HAPLN2: variants seen among roughly 807,000 people sequenced by gnomAD.
HAPLN2 encodes hyaluronan and proteoglycan link protein 2.
HAPLN2 carries 27 observed loss-of-function variants against 29.3 expected under a neutral mutation model. The observed-to-expected ratio is 0.92, with a 90% CI of 0.68 to 1.27. The LOEUF (loss-of-function observed/expected upper bound fraction) is 1.27. Ranked by LOEUF, HAPLN2 falls within the 50% of genes most tolerant of loss-of-function variation. HAPLN2 has a pLI of 0.00. For missense variants in HAPLN2, 454 were observed against 484.3 expected, an observed-to-expected ratio of 0.94 and a Z score of 0.59; for synonymous variants, 208 against 211.7, an observed-to-expected ratio of 0.98 and a Z score of 0.15.
the HAPLN2 span, among the ~76,000 whole-genome samples, chr1:156,608,668 G>A: frequency 4.6e-5 from 7 of 151,818 alleles, no homozygotes; most frequent in Admixed American, 2.0e-4. Context: ...TCAGCCTCCC[G>A]AGCAGCTGGG....
the HAPLN2 span, among the ~76,000 whole-genome samples, chr1:156,604,447 G>A: frequency 1.3e-5 from 2 of 151,966 alleles, no homozygotes; most frequent in East Asian, 1.9e-4. Flanking sequence ...GTGCCACCAC[G>A]CCCAGCTAAT....
At chr1:156,623,742 G>A (rs1678334414) in intron 3 of HAPLN2, 65 bp from the exon 4 acceptor site, 10 of 1,475,422 alleles carry the variant, frequency 6.8e-6, no homozygotes, top group Non-Finnish European at 9.0e-6. Context: ...TGGGGAGCAG[G>A]GTCTGATGGG....
chr1:156,623,159 C>T (rs1024665059), intron 2 of HAPLN2, among the ~76,000 whole-genome samples: 5 of 151,896 alleles, frequency 3.3e-5, no homozygotes, highest in East Asian at 1.9e-4. Flanking sequence ...AGGATAGAGA[C>T]GAGCTGGCAG....
In HAPLN2 at chr1:156,625,025, C is replaced by T; in HGVS notation, c.740-76C>T. The T allele has an allele frequency of 6.7e-7, 1 of 1,491,382 alleles. No individual in the cohort carries two copies. The highest frequency in any genetic ancestry group is 8.9e-7 in the Non-Finnish European group (1 of 1,120,198). 92.4% of individuals were successfully genotyped at this position (1,491,382 alleles called of 1,614,324 possible). ...CCAGCACCTCTGCGGTCCCGCACCC[C>T]AACTCCGCCTCCTGGGTGTCAGCCG... On this transcript the variant is annotated intron_variant, in intron 6 of 6. Transcript: ENST00000255039. This position sits in a 1 kb window ranked among gnomAD's most constrained non-coding sequence, Gnocchi z 5.7.
At chr1:156,604,337 G>A in the HAPLN2 span, among the ~76,000 whole-genome samples, 2 of 149,238 alleles carry the variant, frequency 1.3e-5, no homozygotes, top group East Asian at 3.9e-4. Context: ...TCTATCGCCA[G>A]GCTGGAGTGC....
At chr1:156,619,340 T>C (rs1238079684), upstream of HAPLN2, 1 of 151,248 alleles carries the variant, frequency 6.6e-6, no homozygotes, top group Non-Finnish European at 1.5e-5. Context: ...TATTCAACAA[T>C]AGGGGAAAAG....
chr1:156,607,978 C>G, the HAPLN2 span, among the ~76,000 whole-genome samples: 1 of 152,188 alleles, frequency 6.6e-6, no homozygotes, highest in South Asian at 2.1e-4. Context: ...TCACAGGATT[C>G]AATCCTTAGC....
chr1:156,624,963 T>A, intron 6 of HAPLN2, 138 bp from the exon 7 acceptor site: 1 of 1,002,582 alleles, frequency 1.0e-6, no homozygotes, highest in East Asian at 3.8e-5. Context: ...CCTGCACTTT[T>A]GCCTCGATCC....
chr1:156,617,667 T>TA (rs1553234645), upstream of HAPLN2, among the ~76,000 whole-genome samples: 1 of 150,062 alleles, frequency 6.7e-6, no homozygotes, highest in Non-Finnish European at 1.5e-5. Context: ...TTTTTTTTTT[T>TA]AACTCACAGA....
chr1:156,606,198 A>T, the HAPLN2 span, among the ~76,000 whole-genome samples: 2 of 152,090 alleles, frequency 1.3e-5, no homozygotes, highest in Non-Finnish European at 2.9e-5. Flanking sequence ...CGGGAGGCGG[A>T]GGTTGCAGTG....
At chr1:156,602,579 G>A in the HAPLN2 span, among the ~76,000 whole-genome samples, 1 of 129,608 alleles carries the variant, frequency 7.7e-6, no homozygotes, top group Non-Finnish European at 1.7e-5. Flanking sequence ...AAAAAAAGCC[G>A]GGCATGGTGG....
the HAPLN2 span, among the ~76,000 whole-genome samples, chr1:156,614,112 A>G: frequency 6.6e-6 from 1 of 152,140 alleles, no homozygotes; most frequent in Non-Finnish European, 1.5e-5. Flanking sequence ...ACAAGTTACT[A>G]GCTTACTAAC....
chr1:156,607,645 G>A, the HAPLN2 span, among the ~76,000 whole-genome samples: 1 of 152,120 alleles, frequency 6.6e-6, no homozygotes, highest in South Asian at 2.1e-4. Context: ...AATTCCTGGA[G>A]CAGAATTGAA....
At chr1:156,624,224 C>A in intron 4 of HAPLN2, 64 bp downstream of exon 4, 1 of 1,536,968 alleles carries the variant, frequency 6.5e-7, no homozygotes. Flanking sequence ...CTGGGTCTCC[C>A]AGGGCTCCTT....
the HAPLN2 span, among the ~76,000 whole-genome samples, chr1:156,605,259 C>T: frequency 6.7e-6 from 1 of 150,060 alleles, no homozygotes; most frequent in Non-Finnish European, 1.5e-5. Context: ...GGGTGAGACT[C>T]CGTCTGAAAA....
Position 156,625,162 on chromosome 1 carries a change from A to T in HAPLN2, c.801A>T (p.Arg267=). The change falls in exon 7 of 7, where the codon CGA becomes CGT. Residue 267 remains arginine (R), a synonymous_variant. Coordinates refer to ENST00000255039, the MANE Select transcript of HAPLN2 (RefSeq NM_021817.3). The surrounding 1 kb of genome is among the most constrained non-coding windows in gnomAD (Gnocchi z 5.7). ...CTGAAGCCCACGCGGCGTGCCGGCG[A>T]CGCGGCGCCGTGGTGGCCAAGGTTG... ...TLSEAHAACR[R]RGAVVAKVGH... 1 of 1,544,462 alleles carries T rather than the reference A, an allele frequency of 6.5e-7. No homozygotes were observed. The highest frequency in any genetic ancestry group is 8.7e-7 in the Non-Finnish European group (1 of 1,146,836).
At chr1:156,623,613 T>A in intron 3 of HAPLN2, 38 bp downstream of exon 3, 2 of 1,612,142 alleles carry the variant, frequency 1.2e-6, no homozygotes, top group East Asian at 4.5e-5. Flanking sequence ...GGGGGAGGCT[T>A]GGGGAGACTG....
Position 156,624,084 on chromosome 1 carries a change from G to A in HAPLN2, c.363G>A (p.Glu121=). The change falls in exon 4 of 7, where the codon GAG becomes GAA. Residue 121 remains glutamate, a synonymous_variant. Coordinates refer to ENST00000255039, the MANE Select transcript of HAPLN2 (RefSeq NM_021817.3). ...ASLVIAGVRL[E]DEGRYRCELI... is the part of the protein sequence containing the mutation. ...TGGTCATCGCGGGCGTGCGCCTGGA[G>A]GACGAGGGCCGGTACCGCTGCGAGC... The A allele has an allele frequency of 6.2e-7, 1 of 1,613,686 alleles. No individual in the cohort carries two copies. The highest frequency in any genetic ancestry group is 8.5e-7 in the Non-Finnish European group (1 of 1,179,926).
Position 156,624,802 on chromosome 1 carries a change from G to A in HAPLN2, c.739+19G>A, listed in dbSNP as rs1190288186. The A allele has an allele frequency of 3.4e-6, 5 of 1,480,400 alleles. No homozygotes were observed. In the African/African-American group the frequency reaches 4.2e-5, roughly 12 times the overall value. 91.7% of individuals were successfully genotyped at this position (1,480,400 alleles called of 1,614,324 possible). ...CTGGCGGGTGAGGCGCGGGACGAAGGCAGGGTCTTGGGGAGGGGTCTGAAA... is the reference window on the plus strand; with the variant it reads ...CTGGCGGGTGAGGCGCGGGACGAAGACAGGGTCTTGGGGAGGGGTCTGAAA... On this transcript the variant is annotated intron_variant, in intron 6 of 6. Coordinates refer to ENST00000255039, the MANE Select transcript of HAPLN2 (RefSeq NM_021817.3).
Sources: gnomAD v4.1 joint callset for allele counts (sites outside exome capture counted in the v4.1 genomes callset) on GRCh38, gnomAD v4.1.1 for gene constraint, Gnocchi (gnomAD v3.1) non-coding constraint, MANE v1.5 for transcripts, NCBI Gene and HGNC (gene_info 2026-07-23, HGNC 2026-07-21) for gene names.